XRCC5: variants seen among roughly 807,000 people sequenced by gnomAD.
XRCC5 encodes the protein X-ray repair cross complementing 5, also known as DNA repair protein Ku80.
A neutral mutation model predicts 95.7 loss-of-function variants in XRCC5; 12 were observed. That is an observed-to-expected ratio of 0.13 (90% CI 0.08 to 0.20). The LOEUF (loss-of-function observed/expected upper bound fraction) is 0.20, where lower values mean the gene tolerates loss of function less well. Ranked by LOEUF, XRCC5 falls within the 10% of genes least tolerant of loss-of-function variation. XRCC5 has a pLI of 1.00. For missense variants in XRCC5, 595 were observed against 873.9 expected, an observed-to-expected ratio of 0.68 and a Z score of 4.02; for synonymous variants, 281 against 290.3, an observed-to-expected ratio of 0.97 and a Z score of 0.33.
At chr2:216,138,571 T>C (rs887764150) in intron 12 of XRCC5, among the ~76,000 whole-genome samples, 1 of 152,150 alleles carries the variant, frequency 6.6e-6, no homozygotes, top group African/African-American at 2.4e-5. Context: ...GTGCTGAAGA[T>C]TAACTTTTCT....
At chr2:216,154,235 AG>A (rs1688801746) in intron 14 of XRCC5, among the ~76,000 whole-genome samples, 1 of 152,216 alleles carries the variant, frequency 6.6e-6, no homozygotes, top group Admixed American at 6.5e-5. Context: ...GAGGTTGGTT[AG>A]GAGAATGGGT....
At chr2:216,169,353 C>G (rs751268112) in intron 16 of XRCC5, among the ~76,000 whole-genome samples, 1 of 152,200 alleles carries the variant, frequency 6.6e-6, no homozygotes, top group East Asian at 1.9e-4. Flanking sequence ...ACACAGCATG[C>G]AAATGTGCCA....
At chr2:216,118,162 G>T (rs1161120963) in intron 4 of XRCC5, among the ~76,000 whole-genome samples, 3 of 150,788 alleles carry the variant, frequency 2.0e-5, no homozygotes, top group African/African-American at 7.3e-5. Flanking sequence ...TTGTGTGTGT[G>T]TATGTTTTTT....
chr2:216,187,821 ACTCTCTCTCTCTCT>A (rs371097633), intron 16 of XRCC5, among the ~76,000 whole-genome samples: 12 of 47,968 alleles, frequency 2.5e-4, no homozygotes, highest in South Asian at 8.7e-4. Flanking sequence ...ACACACACAC[ACTCTCTCTCTCTCT>A]CTCTCTCTCT....
chr2:216,138,267 G>C, intron 12 of XRCC5, 88 bp downstream of exon 12: 2 of 1,127,372 alleles, frequency 1.8e-6, no homozygotes, highest in Admixed American at 3.9e-5. Flanking sequence ...TTGGGGCTAG[G>C]TATTTATAGG....
intron 12 of XRCC5, among the ~76,000 whole-genome samples, chr2:216,140,440 T>C (rs1697153805): frequency 6.6e-6 from 1 of 152,198 alleles, no homozygotes; most frequent in South Asian, 2.1e-4. Flanking sequence ...TTGGGAGAAT[T>C]GCCTTTCGTC....
intron 16 of XRCC5, among the ~76,000 whole-genome samples, chr2:216,164,137 C>T (rs932101030): frequency 6.6e-6 from 1 of 152,166 alleles, no homozygotes. Flanking sequence ...CGGAAAGTGG[C>T]GGAGATGCTG....
intron 14 of XRCC5, 121 bp from the exon 15 acceptor site, chr2:216,159,920 GTTTTTCTTTTCTTTTTCTTCTTCATTA>G (rs1688917780): frequency 1.8e-6 from 1 of 556,446 alleles, no homozygotes. Flanking sequence ...TGTAGCTATT[GTTTTTCTTTTCTTTTTCTTCTTCATTA>G]TTTTTCTTTT....
chr2:216,136,092 C>T (rs918028746), intron 10 of XRCC5, among the ~76,000 whole-genome samples: 4 of 152,212 alleles, frequency 2.6e-5, no homozygotes, highest in Non-Finnish European at 4.4e-5. Context: ...TGCGGTGGCT[C>T]ACGCCTGTAA....
intron 17 of XRCC5, among the ~76,000 whole-genome samples, chr2:216,191,356 G>A (rs1367837508): frequency 6.6e-6 from 1 of 151,628 alleles, no homozygotes; most frequent in Non-Finnish European, 1.5e-5. Flanking sequence ...AGAAGCAGAA[G>A]AGACTTCAGT....
At chr2:216,187,385 T>TTG (rs1219260539) in intron 16 of XRCC5, among the ~76,000 whole-genome samples, 2 of 152,024 alleles carry the variant, frequency 1.3e-5, no homozygotes, top group African/African-American at 4.8e-5. Flanking sequence ...ACTGCCTTCT[T>TTG]TCCTGTATCG....
At chr2:216,169,928 A>G (rs1158808735) in intron 16 of XRCC5, among the ~76,000 whole-genome samples, 1 of 149,002 alleles carries the variant, frequency 6.7e-6, no homozygotes, top group Admixed American at 6.8e-5. Context: ...AGTCTCAGCT[A>G]CTTGGGAGGC....
rs1168184737 is a variant in XRCC5 at position 216,160,105 on chromosome 2, G to A, written c.1708G>A (p.Glu570Lys). 2 of 1,607,592 alleles carry A rather than the reference G, an allele frequency of 1.2e-6. No individual in the cohort carries two copies. Among genetic ancestry groups the A allele is most frequent in the South Asian group, 2.2e-5 (2 of 90,362 alleles). Residue 570 changes from glutamate (E) to lysine (K), a missense_variant, in exon 15 of 21, where the codon GAG becomes AAG. This residue lies in a region of XRCC5 where 309 missense variants were observed against 382.9 expected (regional missense o/e 0.81). Coordinates refer to ENST00000392132, the MANE Select transcript of XRCC5 (RefSeq NM_021141.4). The stretch of plus-strand genomic sequence containing the variant: ...ACCTACAGCTAAAAAATTAAAGACT[G>A]AGCAAGGGGGAGCCCACTTCAGCGT... ...DGPTAKKLKT[E>K]QGGAHFSVSS...
intron 14 of XRCC5, among the ~76,000 whole-genome samples, chr2:216,157,472 A>G (rs1272509830): frequency 1.3e-5 from 2 of 152,056 alleles, no homozygotes; most frequent in Non-Finnish European, 2.9e-5. Context: ...TGACCTCGTG[A>G]TCCGCCTGCC....
Position 216,172,469 on chromosome 2 carries a change from C to CTTTTTTTTTTTTTTTTTTTTTTTTTT in XRCC5, c.1834+10438_1834+10439insTTTTTTTTTTTTTTTTTTTTTTTTTT, listed in dbSNP as rs746493174. Among the ~76,000 whole-genome samples, 45 of 107,742 alleles carry CTTTTTTTTTTTTTTTTTTTTTTTTTT rather than the reference C, an allele frequency of 4.2e-4. 8 individuals carry two copies. The highest frequency in any genetic ancestry group is 1.1e-3 in the African/African-American group (29 of 25,478). The allele number at this position is 107,742 out of a possible 152,430, so 70.7% of individuals were successfully genotyped here. A position where few individuals can be genotyped will look rare whatever the true frequency, so the allele number is the denominator to read the frequency against. On this transcript the variant is annotated intron_variant, in intron 16 of 20. Coordinates refer to ENST00000392132, the MANE Select transcript of XRCC5 (RefSeq NM_021141.4). ...AAACTTTAGCATCAGCTTTTCTTTT[C>CTTTTTTTTTTTTTTTTTTTTTTTTTT]TTTTTTTTTTTTTTTTTGAGACAAA...
chr2:216,117,833 T>C, intron 4 of XRCC5, 39 bp downstream of exon 4: 3 of 1,602,286 alleles, frequency 1.9e-6, no homozygotes, highest in Non-Finnish European at 2.6e-6. Flanking sequence ...GAGAATCTTT[T>C]TGCAAAAATT....
At chr2:216,124,208 A>C (rs577703560) in intron 6 of XRCC5, among the ~76,000 whole-genome samples, 1 of 152,170 alleles carries the variant, frequency 6.6e-6, no homozygotes, top group South Asian at 2.1e-4. Flanking sequence ...CTTGACATCT[A>C]CCTGAGGAGA....
At position 216,190,214 on chromosome 2, in the gene XRCC5, T is replaced by C; in HGVS notation, c.1835-11T>C. On this transcript the variant is annotated splice_polypyrimidine_tract_variant and intron_variant, in intron 16 of 20. Coordinates refer to ENST00000392132, the MANE Select transcript of XRCC5 (RefSeq NM_021141.4). ...CTCAAATCTAAGAAAATTTGTTGTC[T>C]TATGTTTTAGCGAGTAACCAGCTCA... The C allele has an allele frequency of 6.2e-7, 1 of 1,612,384 alleles. No individual in the cohort carries two copies. The highest frequency in any genetic ancestry group is 8.5e-7 in the Non-Finnish European group (1 of 1,179,072).
intron 16 of XRCC5, among the ~76,000 whole-genome samples, chr2:216,170,918 T>C (rs1689153389): frequency 2.0e-5 from 3 of 152,222 alleles, no homozygotes; most frequent in African/African-American, 7.2e-5. Flanking sequence ...GTCATTGTCA[T>C]GTCATGTAGG....
Sources: gnomAD v4.1 joint callset for allele counts (sites outside exome capture counted in the v4.1 genomes callset) on GRCh38, gnomAD v4.1.1 for gene constraint, gnomAD v4.1.1 regional missense constraint, MANE v1.5 for transcripts, NCBI Gene and HGNC (gene_info 2026-07-23, HGNC 2026-07-21) for gene names.